Variants in CACHD1 observed in about 807,000 individuals in gnomAD.
The protein encoded by CACHD1 is VWFA and cache domain-containing protein 1.
CACHD1 carries 71 observed loss-of-function variants against 138.7 expected under a neutral mutation model. The ratio of observed to expected loss-of-function variants is 0.51; its 90% CI spans 0.42 to 0.62. The LOEUF (loss-of-function observed/expected upper bound fraction) is 0.62. Ranked by LOEUF, CACHD1 falls within the 20% of genes least tolerant of loss-of-function variation. The pLI, the probability that CACHD1 is intolerant of heterozygous loss-of-function variation, is 0.00. For synonymous variants in CACHD1, 578 were observed against 591.5 expected, an observed-to-expected ratio of 0.98 and a Z score of 0.33; for missense variants, 1,389 against 1,625.3, an observed-to-expected ratio of 0.85 and a Z score of 2.50.
At chr1:64,655,810 A>G (rs546268148) in intron 12 of CACHD1, among the ~76,000 whole-genome samples, 1 of 152,336 alleles carries the variant, frequency 6.6e-6, no homozygotes, top group East Asian at 1.9e-4. Context: ...TTTTACTTTT[A>G]TCATCAAATT....
rs117148947 is a variant in CACHD1 at position 64,557,418 on chromosome 1, G to T, written c.261+6762G>T. On this transcript the variant is annotated intron_variant, in intron 2 of 26. Coordinates refer to ENST00000651257, the MANE Select transcript of CACHD1 (RefSeq NM_020925.4). Reference sequence around the variant, plus strand: ...ATGAAATTGCAAACATATTTTCATAGTGTTTCAGAAACTGTTGAATTGATG... The same window carrying T: ...ATGAAATTGCAAACATATTTTCATATTGTTTCAGAAACTGTTGAATTGATG... Among the ~76,000 whole-genome samples the T allele has an allele frequency of 6.3e-3, 951 of 152,156 alleles. 14 individuals are homozygous for T. In the East Asian group the frequency reaches 0.067, roughly 11 times the overall value.
chr1:64,521,727 T>C (rs1362333876), intron 1 of CACHD1, among the ~76,000 whole-genome samples: 1 of 152,236 alleles, frequency 6.6e-6, no homozygotes. Flanking sequence ...TATATGTTTT[T>C]GAGTGGTATT....
At position 64,691,379 on chromosome 1, in the gene CACHD1, C is replaced by A. The variant is rs765906590; in HGVS notation, c.3643C>A (p.Pro1215Thr). The A allele has an allele frequency of 3.7e-6, 6 of 1,613,988 alleles. No homozygotes were observed. Among genetic ancestry groups the A allele is most frequent in the Non-Finnish European group, 5.1e-6 (6 of 1,180,008 alleles). ...DSENPPCNNDPLSAGVDVGNH... is the reference protein window; with the variant it reads ...DSENPPCNNDTLSAGVDVGNH... ...TGAAAATCCTCCATGCAACAATGAC[C>A]CCTTGTCAGCCGGGGTCGATGTGGG... Residue 1215 changes from proline to threonine, a missense_variant, in exon 27 of 27, where the codon CCC becomes ACC. Physicochemically the swap from Pro to Thr is conservative, Grantham distance 38. Transcript: ENST00000651257.
At chr1:64,566,485 C>A (rs1454137081) in intron 2 of CACHD1, among the ~76,000 whole-genome samples, 2 of 142,860 alleles carry the variant, frequency 1.4e-5, no homozygotes, top group Admixed American at 7.0e-5. Context: ...CAATTCCCCC[C>A]CCCCCACAAG....
At chr1:64,509,661 A>G (rs1168948107) in intron 1 of CACHD1, among the ~76,000 whole-genome samples, 2 of 152,226 alleles carry the variant, frequency 1.3e-5, no homozygotes, top group African/African-American at 4.8e-5. Context: ...GATAGAAGGA[A>G]AACACTACAA....
chr1:64,657,568 G>A (rs1329525761), intron 12 of CACHD1, among the ~76,000 whole-genome samples: 2 of 152,146 alleles, frequency 1.3e-5, no homozygotes, highest in African/African-American at 2.4e-5. Flanking sequence ...TTTGGGGAAT[G>A]GAGGAAAAGG....
intron 1 of CACHD1, among the ~76,000 whole-genome samples, chr1:64,499,323 G>A (rs1557463151): frequency 1.3e-5 from 2 of 152,130 alleles, no homozygotes; most frequent in African/African-American, 2.4e-5. Context: ...GGAACAATAC[G>A]CTTCCTTAGT....
chr1:64,498,434 A>AT (rs1195714640), intron 1 of CACHD1, among the ~76,000 whole-genome samples: 5 of 152,170 alleles, frequency 3.3e-5, no homozygotes, highest in African/African-American at 1.2e-4. Context: ...TATTTCTGAG[A>AT]TTTTTAAAGT....
At chr1:64,489,529 G>A (rs1216388490) in intron 1 of CACHD1, among the ~76,000 whole-genome samples, 2 of 152,130 alleles carry the variant, frequency 1.3e-5, no homozygotes, top group Non-Finnish European at 2.9e-5. Flanking sequence ...CCCGCTCTCA[G>A]GCCAACTCAC....
chr1:64,554,908 G>A (rs943579952), intron 2 of CACHD1, among the ~76,000 whole-genome samples: 3 of 152,120 alleles, frequency 2.0e-5, no homozygotes, highest in Non-Finnish European at 2.9e-5. Flanking sequence ...TACCATATTA[G>A]GTTGCTGTGC....
At chr1:64,570,980 A>T (rs2100510687) in intron 2 of CACHD1, among the ~76,000 whole-genome samples, 1 of 152,270 alleles carries the variant, frequency 6.6e-6, no homozygotes, top group African/African-American at 2.4e-5. Flanking sequence ...CCTGCATTGT[A>T]AAGACCCCAA....
intron 9 of CACHD1, among the ~76,000 whole-genome samples, chr1:64,650,712 C>T (rs1649060265): frequency 6.6e-6 from 1 of 152,128 alleles, no homozygotes; most frequent in Admixed American, 6.6e-5. Flanking sequence ...TTGTAGAAGC[C>T]TTCAGGAGTT....
chr1:64,550,641 A>C lies in CACHD1; in HGVS notation c.246A>C (p.Glu82Asp). The C allele has an allele frequency of 1.2e-6, 2 of 1,610,788 alleles. No individual in the cohort carries two copies. The highest frequency in any genetic ancestry group is 2.2e-5 in the South Asian group (2 of 91,006). The change falls in exon 2 of 27, where the codon GAA becomes GAC. Residue 82 changes from glutamate (E) to aspartate (D), a missense_variant. Glu to Asp is a conservative substitution (Grantham distance 45). Around this residue, in one of 5 missense-constraint regions of CACHD1, gnomAD observed 1,000 missense variants for 1,114.7 expected, o/e 0.90. Coordinates refer to ENST00000651257, the MANE Select transcript of CACHD1 (RefSeq NM_020925.4). ...FVYTEKISNG[E>D]SEVQQLAKKI... ...ACACTGAGAAAATCTCAAATGGAGA[A>C]AGTGAAGTACAGCAGGTAAGAGGCA...
intron 21 of CACHD1, 62 bp downstream of exon 21, chr1:64,676,045 T>G: frequency 5.3e-6 from 3 of 563,556 alleles, no homozygotes; most frequent in Non-Finnish European, 7.7e-6. Flanking sequence ...ATAATACATA[T>G]GTAATACTGT....
intron 1 of CACHD1, among the ~76,000 whole-genome samples, chr1:64,550,123 C>T (rs150814330): frequency 3.9e-5 from 6 of 152,260 alleles, no homozygotes; most frequent in Admixed American, 3.9e-4. Context: ...TGACGGGGTA[C>T]TTGAGTAACG....
intron 2 of CACHD1, among the ~76,000 whole-genome samples, chr1:64,577,623 C>T (rs1055226851): frequency 6.6e-6 from 1 of 152,094 alleles, no homozygotes; most frequent in African/African-American, 2.4e-5. Flanking sequence ...GAAGTGTGCA[C>T]CTAATAGGGT....
chr1:64,638,570 T>C (rs1648598180), intron 7 of CACHD1, among the ~76,000 whole-genome samples: 1 of 152,206 alleles, frequency 6.6e-6, no homozygotes, highest in African/African-American at 2.4e-5. Context: ...TGGAGCTGAT[T>C]AGTTGAGGAT....
intron 8 of CACHD1, among the ~76,000 whole-genome samples, chr1:64,643,927 T>A (rs1570446219): frequency 6.6e-6 from 1 of 152,240 alleles, no homozygotes; most frequent in East Asian, 1.9e-4. Flanking sequence ...AGCTCTGCCA[T>A]CCAGGGCCAG....
intron 2 of CACHD1, among the ~76,000 whole-genome samples, chr1:64,566,398 G>T (rs1387028014): frequency 6.6e-6 from 1 of 150,572 alleles, no homozygotes; most frequent in Non-Finnish European, 1.5e-5. Flanking sequence ...TCCCTTTCCA[G>T]GGTCACCCAA....
Sources: gnomAD v4.1 joint callset for allele counts (sites outside exome capture counted in the v4.1 genomes callset) on GRCh38, gnomAD v4.1.1 for gene constraint, gnomAD v4.1.1 regional missense constraint, MANE v1.5 for transcripts, NCBI Gene and HGNC (gene_info 2026-07-23, HGNC 2026-07-21) for gene names.